DACH2: variants seen among roughly 807,000 people sequenced by gnomAD.
DACH2 encodes the protein dachshund homolog 2.
Under a neutral mutation model 35.8 loss-of-function variants are expected in DACH2, and 17 were observed. That is an observed-to-expected ratio of 0.48 (90% CI 0.33 to 0.71). DACH2 has a LOEUF of 0.71. Among genes scored for constraint, DACH2 ranks in the 30% least tolerant of loss-of-function variants. The probability of loss-of-function intolerance (pLI) is 0.02; values close to 1 mark genes in which losing one functional copy is unlikely to be tolerated. For missense variants in DACH2, 469 were observed against 472.7 expected (o/e 0.99, Z 0.07); for synonymous variants, 195 against 177.3 (o/e 1.10, Z -0.79).
chrX:86,254,583 G>A, intron 1 of DACH2, among the ~76,000 whole-genome samples: 1 of 106,204 alleles, frequency 9.4e-6, no homozygotes, highest in Non-Finnish European at 1.9e-5. Context: ...CTATTTCAGT[G>A]ACTTCCTGTT....
intron 3 of DACH2, among the ~76,000 whole-genome samples, chrX:86,631,559 C>A (rs1313400155): frequency 8.9e-6 from 1 of 111,846 alleles, no homozygotes; most frequent in Non-Finnish European, 1.9e-5. Context: ...GGGATATTAT[C>A]ATTTGCAATG....
rs149687035 is a variant in DACH2, at chrX:86,646,252, C to A, written c.641-4784C>A. 2.6e-3 allele frequency among the ~76,000 whole-genome samples: 281 copies of A among 108,975 alleles called. 2 individuals carry two copies. The highest frequency in any genetic ancestry group is 8.7e-3 in the African/African-American group (261 of 30,103). 94.6% of individuals were successfully genotyped at this position (108,975 alleles called of 115,157 possible). A position where few individuals can be genotyped will look rare whatever the true frequency, so the allele number is the denominator to read the frequency against. The stretch of plus-strand genomic sequence containing the variant: ...GGGAGCTAAATGACATGTATACATG[C>A]GCATAGAGTGTAAAGTAATAGTCAT... On this transcript the variant is annotated intron_variant, in intron 3 of 11. Coordinates refer to ENST00000373125, the MANE Select transcript of DACH2 (RefSeq NM_053281.3).
intron 1 of DACH2, among the ~76,000 whole-genome samples, chrX:86,200,294 T>C (rs781115270): frequency 9.0e-6 from 1 of 111,319 alleles, no homozygotes; most frequent in East Asian, 2.8e-4. Flanking sequence ...TCAAGATGGA[T>C]TAAAGACTTA....
At chrX:86,414,802 C>T (rs1376096541) in intron 2 of DACH2, among the ~76,000 whole-genome samples, 1 of 111,140 alleles carries the variant, frequency 9.0e-6, no homozygotes, top group African/African-American at 3.3e-5. Flanking sequence ...TTTTTAAACT[C>T]CCTCAACTGC....
chrX:86,717,473 A>G lies in DACH2; in HGVS notation c.1104+2753A>G, dbSNP rs2041350510. Among the ~76,000 whole-genome samples, 3 of 110,063 alleles carry G rather than the reference A, an allele frequency of 2.7e-5. No individual in the cohort carries two copies. The South Asian group carries it at 1.2e-3, about 42-fold the overall frequency. On this transcript the variant is annotated intron_variant, in intron 6 of 11. Transcript: ENST00000373125. ...ATAGATATATAGTATTCATATACAC[A>G]TGTATGTATATGTAGATAGATAGAT... is the stretch of plus-strand genomic sequence containing the variant.
chrX:86,330,389 T>A (rs750629971), intron 1 of DACH2, among the ~76,000 whole-genome samples: 14 of 111,704 alleles, frequency 1.3e-4, no homozygotes, highest in Non-Finnish European at 2.1e-4. Flanking sequence ...TATTATCCCA[T>A]TTTATTGCCT....
At chrX:86,254,781 AATATAT>A (rs1200745075) in intron 1 of DACH2, among the ~76,000 whole-genome samples, 2 of 22,585 alleles carry the variant, frequency 8.9e-5, no homozygotes, top group East Asian at 1.6e-3. Context: ...CAAATAAATA[AATATAT>A]ATATATATAT....
At chrX:86,728,476 T>A (rs2041496197) in intron 6 of DACH2, among the ~76,000 whole-genome samples, 1 of 112,708 alleles carries the variant, frequency 8.9e-6, no homozygotes, top group Non-Finnish European at 1.9e-5. Context: ...GGAGCAACCA[T>A]TTGCTAGACA....
intron 1 of DACH2, among the ~76,000 whole-genome samples, chrX:86,263,512 T>C: frequency 1.8e-5 from 2 of 112,045 alleles, no homozygotes; most frequent in East Asian, 5.6e-4. Flanking sequence ...TTAATGCAAT[T>C]ATTGTTTTTT....
At chrX:86,662,453 G>T (rs770666746) in intron 4 of DACH2, among the ~76,000 whole-genome samples, 2 of 111,107 alleles carry the variant, frequency 1.8e-5, no homozygotes, top group South Asian at 7.6e-4. Context: ...CAAAAAATTA[G>T]CCGGGCGTGG....
intron 1 of DACH2, among the ~76,000 whole-genome samples, chrX:86,185,107 A>G (rs2031642598): frequency 9.0e-6 from 1 of 111,710 alleles, no homozygotes; most frequent in Non-Finnish European, 1.9e-5. Context: ...AACTTTTAAT[A>G]TACTTCCAAA....
At chrX:86,542,435 T>C (rs1359683803) in intron 3 of DACH2, among the ~76,000 whole-genome samples, 1 of 111,076 alleles carries the variant, frequency 9.0e-6, no homozygotes, top group Non-Finnish European at 1.9e-5. Context: ...CAATGGTTGT[T>C]ATAATGTCAG....
Position 86,759,576 on chromosome X carries a change from A to T in DACH2, c.1240+19694A>T, listed in dbSNP as rs750875770. On this transcript the variant is annotated intron_variant, in intron 7 of 11. Coordinates refer to ENST00000373125, the MANE Select transcript of DACH2 (RefSeq NM_053281.3). ...TTGTTGTTTGTTTTTTTTTTTTTTAAAAATCCATTCAGCTAGTCTATATCT... is the reference window on the plus strand; with the variant it reads ...TTGTTGTTTGTTTTTTTTTTTTTTATAAATCCATTCAGCTAGTCTATATCT... Among the ~76,000 whole-genome samples the T allele has an allele frequency of 3.5e-3, 329 of 93,746 alleles. 1 individual carries two copies. Among genetic ancestry groups the T allele is most frequent in the African/African-American group, 0.011 (301 of 28,580 alleles). 81.4% of individuals were successfully genotyped at this position (93,746 alleles called of 115,157 possible). A position where few individuals can be genotyped will look rare whatever the true frequency, so the allele number is the denominator to read the frequency against.
chrX:86,547,900 A>C lies in DACH2; in HGVS notation c.640+33509A>C, dbSNP rs2038997610. 2.7e-5 allele frequency among the ~76,000 whole-genome samples: 3 copies of C among 111,732 alleles called. No individual in the cohort carries two copies. In the South Asian group the frequency reaches 1.1e-3, roughly 42 times the overall value. ...GCTGTTCTTGTTACTCCCTGCACAC[A>C]CTCTGTGCTCAGTGGAGTGCAATTG... On this transcript the variant is annotated intron_variant, in intron 3 of 11. Coordinates refer to ENST00000373125, the MANE Select transcript of DACH2 (RefSeq NM_053281.3).
chrX:86,566,469 G>A, intron 3 of DACH2, among the ~76,000 whole-genome samples: 1 of 111,379 alleles, frequency 9.0e-6, no homozygotes, highest in Middle Eastern at 4.3e-3. Context: ...ATGTTGTAAT[G>A]CAACCTTTCT....
chrX:86,225,363 A>G (rs1198517904), intron 1 of DACH2, among the ~76,000 whole-genome samples: 1 of 111,409 alleles, frequency 9.0e-6, no homozygotes, highest in Non-Finnish European at 1.9e-5. Context: ...GCTTATTTTC[A>G]TGACTCTGGT....
intron 1 of DACH2, among the ~76,000 whole-genome samples, chrX:86,308,314 T>C (rs2034729994): frequency 1.8e-5 from 2 of 112,472 alleles, no homozygotes; most frequent in African/African-American, 6.5e-5. Context: ...ATTGGATCCT[T>C]AGGTGGCAGA....
chrX:86,573,494 A>T (rs2039398705), intron 3 of DACH2, among the ~76,000 whole-genome samples: 1 of 111,694 alleles, frequency 9.0e-6, no homozygotes, highest in Non-Finnish European at 1.9e-5. Flanking sequence ...GCAGTGATAT[A>T]TTCCCTAGAA....
rs2038433430 is a variant in DACH2, at chrX:86,514,135, G to A, written c.528-144G>A. On this transcript the variant is annotated intron_variant, in intron 2 of 11. Coordinates refer to ENST00000373125, the MANE Select transcript of DACH2 (RefSeq NM_053281.3). The stretch of plus-strand genomic sequence containing the variant: ...CGGAAAGTAAAGAATTGGTCTCTTA[G>A]TAATCCACGAAAATAGTCTTTAATG... 9.3e-6 allele frequency: 5 copies of A among 537,476 alleles called. No homozygotes were observed. The African/African-American group carries it at 1.2e-4, about 13-fold the overall frequency. 44.3% of individuals were successfully genotyped at this position (537,476 alleles called of 1,213,427 possible).
Sources: gnomAD v4.1 joint callset for allele counts (sites outside exome capture counted in the v4.1 genomes callset) on GRCh38, gnomAD v4.1.1 for gene constraint, MANE v1.5 for transcripts, NCBI Gene and HGNC (gene_info 2026-07-23, HGNC 2026-07-21) for gene names.